Variants in RSF1 observed in about 807,000 individuals in gnomAD.
RSF1 encodes HBV pX-associated protein 8.
A neutral mutation model predicts 145.2 loss-of-function variants in RSF1; 13 were observed. That is an observed-to-expected ratio of 0.09 (90% CI 0.06 to 0.14). RSF1 has a LOEUF of 0.14. Among genes scored for constraint, RSF1 ranks in the 10% least tolerant of loss-of-function variants. The pLI is 1.00. For synonymous variants in RSF1, 577 were observed against 592.6 expected (o/e 0.97, Z 0.38); for missense variants, 1,517 against 1,718.2 (o/e 0.88, Z 2.07).
intron 1 of RSF1, among the ~76,000 whole-genome samples, chr11:77,784,258 T>C (rs1948432872): frequency 6.6e-6 from 1 of 152,220 alleles, no homozygotes; most frequent in South Asian, 2.1e-4. Context: ...CACTAGTTTG[T>C]TCTGCAGCAT....
At chr11:77,837,027 C>G in the RSF1 span, among the ~76,000 whole-genome samples, 2 of 152,246 alleles carry the variant, frequency 1.3e-5, no homozygotes, top group Non-Finnish European at 2.9e-5. Context: ...AGTATTAGAT[C>G]CTCAAAAACA....
chr11:77,782,866 T>C (rs572921326), intron 1 of RSF1, among the ~76,000 whole-genome samples: 47 of 152,340 alleles, frequency 3.1e-4, no homozygotes, highest in South Asian at 1.0e-3. Context: ...TGTCTGACTC[T>C]TTACAGAAAA....
intron 1 of RSF1, among the ~76,000 whole-genome samples, chr11:77,804,258 G>A (rs1948655354): frequency 6.6e-6 from 1 of 152,164 alleles, no homozygotes; most frequent in Non-Finnish European, 1.5e-5. Flanking sequence ...TTATAATAAA[G>A]CCATAACTGT....
intron 10 of RSF1, among the ~76,000 whole-genome samples, chr11:77,684,155 T>C (rs1959942096): frequency 6.6e-6 from 1 of 152,214 alleles, no homozygotes; most frequent in African/African-American, 2.4e-5. Flanking sequence ...GCTGCATGAA[T>C]GAAAGATTTA....
chr11:77,667,558 C>T (rs1046184705), intron 15 of RSF1, 67 bp from the exon 16 acceptor site: 5 of 1,388,226 alleles, frequency 3.6e-6, no homozygotes, highest in South Asian at 1.3e-5. Flanking sequence ...TCTCCTTTTC[C>T]TCCCGATATT....
chr11:77,673,624 T>C (rs1184754971), intron 14 of RSF1, among the ~76,000 whole-genome samples: 11 of 152,026 alleles, frequency 7.2e-5, no homozygotes, highest in Non-Finnish European at 1.2e-4. Flanking sequence ...AATAAATAAA[T>C]ATAACAGAAA....
Position 77,772,563 on chromosome 11 carries a change from G to T in RSF1, c.188-7874C>A, listed in dbSNP as rs534962987. Reference sequence around the variant, plus strand: ...CAACTATTATATTACTAAAAACTATGTTATATGTATATTACAAAAAGCACT... The same window carrying T: ...CAACTATTATATTACTAAAAACTATTTTATATGTATATTACAAAAAGCACT... On this transcript the variant is annotated intron_variant, in intron 1 of 15. Coordinates refer to ENST00000308488, the MANE Select transcript of RSF1 (RefSeq NM_016578.4). Among the ~76,000 whole-genome samples, 3 of 151,976 alleles carry T rather than the reference G, an allele frequency of 2.0e-5. No homozygotes were observed. The East Asian group carries it at 5.8e-4, about 29-fold the overall frequency.
intron 5 of RSF1, among the ~76,000 whole-genome samples, chr11:77,713,861 G>A (rs1960745367): frequency 6.6e-6 from 1 of 152,224 alleles, no homozygotes; most frequent in South Asian, 2.1e-4. Flanking sequence ...TTTCTGAGAA[G>A]CTTTCACTGT....
chr11:77,669,067 G>C (rs1959450822), intron 15 of RSF1, among the ~76,000 whole-genome samples: 1 of 152,134 alleles, frequency 6.6e-6, no homozygotes, highest in African/African-American at 2.4e-5. Flanking sequence ...GCAGCCCTGT[G>C]GTCTCTACCA....
At chr11:77,717,148 A>AG (rs1960831949) in intron 5 of RSF1, among the ~76,000 whole-genome samples, 1 of 143,682 alleles carries the variant, frequency 7.0e-6, no homozygotes, top group Non-Finnish European at 1.5e-5. Context: ...ACTGTACCCC[A>AG]GCATGGGCAA....
At chr11:77,778,233 A>AGG (rs1948367519) in intron 1 of RSF1, among the ~76,000 whole-genome samples, 2 of 23,624 alleles carry the variant, frequency 8.5e-5, no homozygotes, top group Non-Finnish European at 1.5e-4. Flanking sequence ...GGGGTGGGGG[A>AGG]GGGAAGGGGA....
chr11:77,772,254 C>T (rs1473817892), intron 1 of RSF1, among the ~76,000 whole-genome samples: 4 of 151,936 alleles, frequency 2.6e-5, no homozygotes, highest in African/African-American at 4.8e-5. Context: ...ACCGCAGCCT[C>T]GATCTCCTGG....
chr11:77,865,118 TG>T, the RSF1 span, among the ~76,000 whole-genome samples: 1 of 152,196 alleles, frequency 6.6e-6, no homozygotes, highest in Admixed American at 6.5e-5. Context: ...TTAGACACAG[TG>T]TCTAATGTGG....
At chr11:77,856,414 C>T in the RSF1 span, among the ~76,000 whole-genome samples, 1 of 152,176 alleles carries the variant, frequency 6.6e-6, no homozygotes, top group African/African-American at 2.4e-5. Flanking sequence ...CTATTCCACC[C>T]TCTGCCCATT....
chr11:77,768,282 C>A (rs1436095242), intron 1 of RSF1, among the ~76,000 whole-genome samples: 2 of 151,340 alleles, frequency 1.3e-5, no homozygotes, highest in Non-Finnish European at 2.9e-5. Context: ...CCTGCCTCAG[C>A]CTCCCCAGTA....
chr11:77,772,153 T>C (rs1266520936), intron 1 of RSF1, among the ~76,000 whole-genome samples: 1 of 152,098 alleles, frequency 6.6e-6, no homozygotes, highest in African/African-American at 2.4e-5. Flanking sequence ...GTCAAATAAA[T>C]GTATTTGTAC....
At chr11:77,858,709 T>C in the RSF1 span, among the ~76,000 whole-genome samples, 3 of 152,054 alleles carry the variant, frequency 2.0e-5, no homozygotes, top group Non-Finnish European at 4.4e-5. Flanking sequence ...AATTGGGGCA[T>C]AGTAGGGGTT....
intron 4 of RSF1, among the ~76,000 whole-genome samples, chr11:77,738,157 T>G (rs577277061): frequency 6.6e-6 from 1 of 151,844 alleles, no homozygotes; most frequent in African/African-American, 2.4e-5. Context: ...GAAAAGCGAA[T>G]AGTTAAAAAG....
In RSF1 at chr11:77,681,878, T is replaced by G. The variant is rs530692168; in HGVS notation, c.3065+1832A>C. Among the ~76,000 whole-genome samples the G allele has an allele frequency of 3.3e-5, 5 of 152,358 alleles. No individual in the cohort carries two copies. The South Asian group carries it at 6.2e-4, about 19-fold the overall frequency. On this transcript the variant is annotated intron_variant, in intron 11 of 15. Transcript: ENST00000308488. ...AACGCCATAGTTAATGCAGTATTTA[T>G]GTATTTCTTACTTATTTAACATATG...
Sources: gnomAD v4.1 joint callset for allele counts (sites outside exome capture counted in the v4.1 genomes callset) on GRCh38, gnomAD v4.1.1 for gene constraint, MANE v1.5 for transcripts, NCBI Gene and HGNC (gene_info 2026-07-23, HGNC 2026-07-21) for gene names.